TCF7L2: variants seen among roughly 807,000 people sequenced by gnomAD.
TCF7L2 encodes transcription factor 7-like 2.
TCF7L2 carries 23 observed loss-of-function variants against 77.9 expected under a neutral mutation model. The ratio of observed to expected loss-of-function variants is 0.30; its 90% CI spans 0.21 to 0.42. The LOEUF (loss-of-function observed/expected upper bound fraction) is 0.42, where lower values mean the gene tolerates loss of function less well. TCF7L2 is among the 10% of genes least tolerant of loss of function. The pLI is 1.00. For synonymous variants in TCF7L2, 413 were observed against 340.2 expected (o/e 1.21, Z -2.36); for missense variants, 654 against 793.1 (o/e 0.82, Z 2.11).
chr10:112,975,575 G>T (rs2039259265), intron 4 of TCF7L2, among the ~76,000 whole-genome samples: 1 of 152,150 alleles, frequency 6.6e-6, no homozygotes, highest in South Asian at 2.1e-4. Flanking sequence ...TCTGCCTCCT[G>T]GGTTCAAGGG....
chr10:113,095,370 G>T (rs1564887073), intron 5 of TCF7L2, among the ~76,000 whole-genome samples: 1 of 152,196 alleles, frequency 6.6e-6, no homozygotes, highest in Non-Finnish European at 1.5e-5. Context: ...AGGATGGGAG[G>T]TGGGACTGCC....
chr10:113,100,851 G>A (rs2135883190), intron 5 of TCF7L2, among the ~76,000 whole-genome samples: 1 of 152,306 alleles, frequency 6.6e-6, no homozygotes, highest in Admixed American at 6.5e-5. Flanking sequence ...TGACGCAGGT[G>A]GATCACCTGA....
chr10:113,131,833 C>T (rs2066645230), intron 5 of TCF7L2, among the ~76,000 whole-genome samples: 1 of 152,152 alleles, frequency 6.6e-6, no homozygotes, highest in Non-Finnish European at 1.5e-5. Flanking sequence ...TCCTGACATG[C>T]CCTCCAGATT....
intron 3 of TCF7L2, among the ~76,000 whole-genome samples, chr10:112,956,426 A>C (rs553502670): frequency 7.3e-6 from 1 of 136,538 alleles, no homozygotes; most frequent in South Asian, 2.3e-4. Context: ...TAAGCTTTTT[A>C]GTCTTGGTGA....
chr10:113,095,085 G>A (rs950714423), intron 5 of TCF7L2, among the ~76,000 whole-genome samples: 1 of 152,158 alleles, frequency 6.6e-6, no homozygotes, highest in African/African-American at 2.4e-5. Flanking sequence ...CAGCCTGGGT[G>A]ACAGAGCAAG....
intron 4 of TCF7L2, among the ~76,000 whole-genome samples, chr10:113,027,675 A>G (rs919554795): frequency 6.6e-6 from 1 of 152,188 alleles, no homozygotes; most frequent in Non-Finnish European, 1.5e-5. Context: ...GTAGTTTATT[A>G]AAGGAAACCG....
chr10:113,044,624 G>A (rs868308703), intron 5 of TCF7L2, among the ~76,000 whole-genome samples: 1 of 152,220 alleles, frequency 6.6e-6, no homozygotes, highest in Non-Finnish European at 1.5e-5. Flanking sequence ...CCTGATTTCG[G>A]CTGAGAAGTT....
intron 4 of TCF7L2, among the ~76,000 whole-genome samples, chr10:112,984,649 T>C (rs1403016520): frequency 6.6e-6 from 1 of 152,098 alleles, no homozygotes; most frequent in Non-Finnish European, 1.5e-5. Context: ...GGGAGAACCT[T>C]GTCTTTGTGT....
At chr10:112,962,138 G>A (rs1054192481) in intron 3 of TCF7L2, among the ~76,000 whole-genome samples, 2 of 152,130 alleles carry the variant, frequency 1.3e-5, no homozygotes, top group Non-Finnish European at 2.9e-5. Context: ...ATAAGATTGT[G>A]ACTATATGAA....
In TCF7L2 at chr10:113,143,455, AG is replaced by A. The variant is rs2068749980; in HGVS notation, c.686-467del. 2.6e-5 allele frequency among the ~76,000 whole-genome samples: 4 copies of A among 152,366 alleles called. No individual in the cohort carries two copies. In the South Asian group the frequency reaches 8.3e-4, roughly 32 times the overall value. ...ACCATTTTTGAAAAAAGGCAAGGGT[AG>A]TAACTTTTCAAATGCCACAGCTCAA... On this transcript the variant is annotated intron_variant, in intron 6 of 13. Coordinates refer to ENST00000627217, the MANE Select transcript of TCF7L2 (RefSeq NM_001146274.2).
intron 4 of TCF7L2, among the ~76,000 whole-genome samples, chr10:113,020,735 G>A (rs755102008): frequency 3.3e-5 from 5 of 152,040 alleles, no homozygotes; most frequent in Admixed American, 6.6e-5. Flanking sequence ...TTATAGATGC[G>A]TTAACCAGGG....
intron 4 of TCF7L2, among the ~76,000 whole-genome samples, chr10:113,007,414 A>C (rs1330704245): frequency 6.6e-6 from 1 of 152,146 alleles, no homozygotes; most frequent in Non-Finnish European, 1.5e-5. Flanking sequence ...CATATATCAC[A>C]GGCTGGTAGG....
intron 3 of TCF7L2, among the ~76,000 whole-genome samples, chr10:112,954,772 A>G (rs2134298547): frequency 6.6e-6 from 1 of 152,302 alleles, no homozygotes; most frequent in Non-Finnish European, 1.5e-5. Context: ...TAGGTTTGAA[A>G]TTTCTTTTTA....
chr10:113,090,593 C>T (rs891818108), intron 5 of TCF7L2, among the ~76,000 whole-genome samples: 3 of 152,148 alleles, frequency 2.0e-5, no homozygotes, highest in African/African-American at 7.2e-5. Flanking sequence ...AATACCTATA[C>T]TCTTATTACC....
chr10:113,048,532 C>T (rs2053844191), intron 5 of TCF7L2, among the ~76,000 whole-genome samples: 1 of 152,182 alleles, frequency 6.6e-6, no homozygotes, highest in African/African-American at 2.4e-5. Context: ...TCAGAACCAT[C>T]TTGGTTAGCA....
intron 5 of TCF7L2, among the ~76,000 whole-genome samples, chr10:113,114,153 G>T (rs1478677938): frequency 6.6e-6 from 1 of 152,110 alleles, no homozygotes; most frequent in African/African-American, 2.4e-5. Flanking sequence ...TGTTTGCTCT[G>T]GCACTGTAGT....
intron 5 of TCF7L2, chr10:113,089,304 T>C (rs2060132944): frequency 2.2e-6 from 3 of 1,380,252 alleles, no homozygotes; most frequent in Non-Finnish European, 1.9e-6. Context: ...AAATGTGGGT[T>C]AGGGCAGAAA....
At chr10:113,014,172 C>G (rs993817210) in intron 4 of TCF7L2, among the ~76,000 whole-genome samples, 1 of 152,164 alleles carries the variant, frequency 6.6e-6, no homozygotes. Flanking sequence ...GTTCCCAGGT[C>G]GGCATTCAGC....
At chr10:113,040,884 C>G (rs138250089) in intron 5 of TCF7L2, among the ~76,000 whole-genome samples, 8 of 152,270 alleles carry the variant, frequency 5.3e-5, no homozygotes, top group Admixed American at 3.3e-4. Flanking sequence ...AGCTGGACTT[C>G]ATACTTTTGA....
Sources: gnomAD v4.1 joint callset for allele counts (sites outside exome capture counted in the v4.1 genomes callset) on GRCh38, gnomAD v4.1.1 for gene constraint, MANE v1.5 for transcripts, NCBI Gene and HGNC (gene_info 2026-07-23, HGNC 2026-07-21) for gene names.